CDIN1: variants seen among roughly 807,000 people sequenced by gnomAD.
CDIN1 encodes the protein CDAN1 interacting nuclease 1.
CDIN1 carries 33 observed loss-of-function variants against 45.3 expected under a neutral mutation model. The observed-to-expected ratio is 0.73, with a 90% CI of 0.55 to 0.97. The LOEUF (loss-of-function observed/expected upper bound fraction) is 0.97, where lower values mean the gene tolerates loss of function less well. Ranked by LOEUF, CDIN1 falls within the 50% of genes least tolerant of loss-of-function variation. The pLI is 0.00. For missense variants in CDIN1, 303 were observed against 339.4 expected, an observed-to-expected ratio of 0.89 and a Z score of 0.84; for synonymous variants, 118 against 124.4, an observed-to-expected ratio of 0.95 and a Z score of 0.34.
rs1344441137 is a variant in CDIN1, at chr15:36,779,112, A to G, written c.717-29212A>G. Among the ~76,000 whole-genome samples the G allele has an allele frequency of 4.6e-5, 7 of 152,254 alleles. No homozygotes were observed. The East Asian group carries it at 1.3e-3, about 29-fold the overall frequency. On this transcript the variant is annotated intron_variant, in intron 10 of 10. Transcript: ENST00000566621. ...TTTTAAAATAAAGTTTTGTATTTAA[A>G]TTAGGCATGTGTGCTATGTGGCTGT...
intron 1 of CDIN1, among the ~76,000 whole-genome samples, chr15:36,609,926 CT>C (rs1217291211): frequency 6.6e-6 from 1 of 152,186 alleles, no homozygotes; most frequent in African/African-American, 2.4e-5. Flanking sequence ...GAAAAGGAAA[CT>C]TTCTACAGTC....
chr15:36,764,538 G>A (rs2053860805), intron 10 of CDIN1, among the ~76,000 whole-genome samples: 1 of 152,158 alleles, frequency 6.6e-6, no homozygotes. Flanking sequence ...TAGAATCTTT[G>A]TGTTTGTTTA....
intron 10 of CDIN1, among the ~76,000 whole-genome samples, chr15:36,712,486 G>A (rs537518474): frequency 1.1e-4 from 16 of 151,820 alleles, no homozygotes; most frequent in South Asian, 1.0e-3. Context: ...GTCTGGTCTC[G>A]AACTCCTGAC....
intron 10 of CDIN1, among the ~76,000 whole-genome samples, chr15:36,794,819 T>A (rs1341403810): frequency 6.6e-6 from 1 of 152,114 alleles, no homozygotes; most frequent in Non-Finnish European, 1.5e-5. Flanking sequence ...AATCAGCATA[T>A]CAAAAAGATA....
chr15:36,755,083 C>T (rs1166032963), intron 10 of CDIN1, among the ~76,000 whole-genome samples: 1 of 152,066 alleles, frequency 6.6e-6, no homozygotes, highest in Non-Finnish European at 1.5e-5. Context: ...TTTTTCATAG[C>T]AATATTGACA....
Position 36,677,797 on chromosome 15 carries a change from G to GA in CDIN1, c.347-13880dup, listed in dbSNP as rs893802563. ...AAAGTTTTAGCCAAAGGAAAGTCAG[G>GA]AAAAAAAATTCCAGATTTGGAAGTT... On this transcript the variant is annotated intron_variant, in intron 5 of 10. Coordinates refer to ENST00000566621, the MANE Select transcript of CDIN1 (RefSeq NM_001321759.2). 5.9e-5 allele frequency among the ~76,000 whole-genome samples: 9 copies of GA among 152,098 alleles called. No homozygotes were observed. The East Asian group carries it at 1.7e-3, about 29-fold the overall frequency.
chr15:36,604,639 T>C (rs1380282742), intron 1 of CDIN1, among the ~76,000 whole-genome samples: 2 of 152,316 alleles, frequency 1.3e-5, no homozygotes, highest in East Asian at 3.9e-4. Flanking sequence ...GAAGAAAGTA[T>C]ACCTACTTAA....
chr15:36,580,806 C>G (rs1432836315), intron 1 of CDIN1, among the ~76,000 whole-genome samples: 1 of 152,194 alleles, frequency 6.6e-6, no homozygotes, highest in Non-Finnish European at 1.5e-5. Flanking sequence ...AAATCCAAAC[C>G]TGTACCATTT....
chr15:36,781,783 A>G (rs901155511), intron 10 of CDIN1, among the ~76,000 whole-genome samples: 1 of 152,208 alleles, frequency 6.6e-6, no homozygotes, highest in Non-Finnish European at 1.5e-5. Flanking sequence ...CATAAGCTCA[A>G]TGATCTCAGT....
intron 10 of CDIN1, among the ~76,000 whole-genome samples, chr15:36,790,860 A>G (rs1338454468): frequency 9.8e-5 from 15 of 152,296 alleles, no homozygotes; most frequent in Admixed American, 8.5e-4. Context: ...AACAACAACA[A>G]CTTTAGGTTC....
At chr15:36,702,194 G>A (rs903209489) in intron 8 of CDIN1, 7 of 697,570 alleles carry the variant, frequency 1.0e-5, no homozygotes, top group East Asian at 5.4e-5. Context: ...TTGTCTATCC[G>A]AAGGTTAAAA....
intron 1 of CDIN1, chr15:36,617,696 TAGAG>T: frequency 1.3e-6 from 1 of 773,616 alleles, no homozygotes; most frequent in Non-Finnish European, 2.4e-6. Context: ...TTGTGATTCT[TAGAG>T]AGATTCCTGA....
chr15:36,710,173 CA>C (rs2043005813), intron 10 of CDIN1, among the ~76,000 whole-genome samples: 1 of 151,994 alleles, frequency 6.6e-6, no homozygotes, highest in Non-Finnish European at 1.5e-5. Context: ...TGCATAAGGT[CA>C]AAATTAGTAT....
intron 10 of CDIN1, among the ~76,000 whole-genome samples, chr15:36,806,408 T>C (rs2055226986): frequency 1.3e-5 from 2 of 152,212 alleles, no homozygotes; most frequent in Non-Finnish European, 2.9e-5. Context: ...ATCTTTAAAA[T>C]ACTGGGCTTG....
At chr15:36,719,348 TG>T (rs1358024811) in intron 10 of CDIN1, among the ~76,000 whole-genome samples, 2 of 152,204 alleles carry the variant, frequency 1.3e-5, no homozygotes, top group Admixed American at 6.5e-5. Context: ...GTTGGATTTT[TG>T]TCAAATGCTG....
chr15:36,710,692 G>A (rs557586775), intron 10 of CDIN1, among the ~76,000 whole-genome samples: 30 of 152,106 alleles, frequency 2.0e-4, no homozygotes, highest in Admixed American at 5.2e-4. Context: ...TTGCAGTCCC[G>A]TGTTCACACT....
Position 36,701,990 on chromosome 15 carries a change from G to A in CDIN1, c.544+4600G>A. 5 of 700,322 alleles carry A rather than the reference G, an allele frequency of 7.1e-6. No individual in the cohort carries two copies. The Admixed American group carries it at 8.0e-5, about 11-fold the overall frequency. 43.4% of individuals were successfully genotyped at this position (700,322 alleles called of 1,614,324 possible). A position where few individuals can be genotyped will look rare whatever the true frequency, so the allele number is the denominator to read the frequency against. On this transcript the variant is annotated intron_variant, in intron 8 of 10. Transcript: ENST00000566621. ...ACTCTGCTGGGGAGGTGATTATGATGTGACAAACAGGGGATTATGACTTCA... is the reference window on the plus strand; with the variant it reads ...ACTCTGCTGGGGAGGTGATTATGATATGACAAACAGGGGATTATGACTTCA...
At chr15:36,796,755 C>T (rs1044447918) in intron 10 of CDIN1, among the ~76,000 whole-genome samples, 5 of 152,230 alleles carry the variant, frequency 3.3e-5, no homozygotes, top group Non-Finnish European at 7.3e-5. Context: ...CATCCCTCTT[C>T]GTTTGGAAAT....
At chr15:36,721,770 T>C (rs1566929762) in intron 10 of CDIN1, among the ~76,000 whole-genome samples, 2 of 149,612 alleles carry the variant, frequency 1.3e-5, no homozygotes, top group Non-Finnish European at 3.0e-5. Context: ...TTCCTGGAAT[T>C]TCTCTCTCTC....
Sources: gnomAD v4.1 joint callset for allele counts (sites outside exome capture counted in the v4.1 genomes callset) on GRCh38, gnomAD v4.1.1 for gene constraint, MANE v1.5 for transcripts, NCBI Gene and HGNC (gene_info 2026-07-23, HGNC 2026-07-21) for gene names.